FSTL5: variants seen among roughly 807,000 people sequenced by gnomAD.
The protein encoded by FSTL5 is follistatin like 5, also known as follistatin-related protein 5.
Under a neutral mutation model 89.1 loss-of-function variants are expected in FSTL5, and 62 were observed. The observed-to-expected ratio is 0.70, with a 90% confidence interval of 0.57 to 0.86. The LOEUF (loss-of-function observed/expected upper bound fraction) is 0.86, where lower values mean the gene tolerates loss of function less well. Among genes scored for constraint, FSTL5 ranks in the 40% least tolerant of loss-of-function variants. FSTL5 has a pLI of 0.00. For synonymous variants in FSTL5, 383 were observed against 346.2 expected, an observed-to-expected ratio of 1.11 and a Z score of -1.18; for missense variants, 1,057 against 1,001.6, an observed-to-expected ratio of 1.06 and a Z score of -0.75.
intron 4 of FSTL5, among the ~76,000 whole-genome samples, chr4:161,851,904 CACACACACAT>C (rs1731565785): frequency 6.6e-6 from 1 of 151,722 alleles, no homozygotes; most frequent in South Asian, 2.1e-4. Flanking sequence ...CACACACACA[CACACACACAT>C]ACACACACAA....
intron 8 of FSTL5, among the ~76,000 whole-genome samples, chr4:161,569,605 T>C (rs1026764002): frequency 6.6e-6 from 1 of 152,106 alleles, no homozygotes; most frequent in Non-Finnish European, 1.5e-5. Context: ...CATATACCTT[T>C]GATTTTCCAT....
At chr4:162,023,071 T>C (rs1344420381) in intron 3 of FSTL5, among the ~76,000 whole-genome samples, 2 of 152,132 alleles carry the variant, frequency 1.3e-5, no homozygotes, top group Admixed American at 1.3e-4. Flanking sequence ...TGTATCCCCA[T>C]ACATTTGTAC....
At chr4:161,552,823 C>T (rs947787457) in intron 8 of FSTL5, among the ~76,000 whole-genome samples, 2 of 151,632 alleles carry the variant, frequency 1.3e-5, no homozygotes, top group Non-Finnish European at 2.9e-5. Flanking sequence ...AAGTAGCTTA[C>T]TTTTCCCAGG....
rs116123613 is a variant in FSTL5, at chr4:162,111,713, A to G, written c.-16-301T>C. Among the ~76,000 whole-genome samples, 736 of 152,272 alleles carry G rather than the reference A, an allele frequency of 4.8e-3. 6 individuals carry two copies. Among genetic ancestry groups the G allele is most frequent in the African/African-American group, 0.017 (689 of 41,572 alleles). ...AGGTTGAAAGAAAAGGGGAAAATAG[A>G]GAAAATATTGCATTATACTTAATTT... On this transcript the variant is annotated intron_variant, in intron 1 of 15. Transcript: ENST00000306100.
intron 4 of FSTL5, among the ~76,000 whole-genome samples, chr4:161,817,258 G>A (rs572257375): frequency 6.6e-6 from 1 of 152,126 alleles, no homozygotes; most frequent in Non-Finnish European, 1.5e-5. Context: ...GCAACAAGTT[G>A]AATAATTAAG....
At chr4:161,863,589 C>A in intron 4 of FSTL5, among the ~76,000 whole-genome samples, 1 of 152,156 alleles carries the variant, frequency 6.6e-6, no homozygotes, top group African/African-American at 2.4e-5. Flanking sequence ...GTGTAAATAG[C>A]ATAAAAGAGT....
chr4:161,526,721 T>C (rs531675853), intron 10 of FSTL5, among the ~76,000 whole-genome samples: 1 of 152,326 alleles, frequency 6.6e-6, no homozygotes, highest in African/African-American at 2.4e-5. Context: ...CCACATTGCT[T>C]GTTTTTCTCA....
At chr4:161,985,446 C>T (rs1735938719) in intron 3 of FSTL5, among the ~76,000 whole-genome samples, 1 of 151,806 alleles carries the variant, frequency 6.6e-6, no homozygotes, top group Admixed American at 6.6e-5. Flanking sequence ...CCCAATTATT[C>T]CATCTATTAA....
intron 2 of FSTL5, among the ~76,000 whole-genome samples, chr4:162,102,088 G>T (rs1731017748): frequency 6.6e-6 from 1 of 151,992 alleles, no homozygotes; most frequent in Admixed American, 6.6e-5. Flanking sequence ...AGATTTAGGT[G>T]TGTTGATTGT....
At chr4:162,018,653 TAA>T (rs5863508) in intron 3 of FSTL5, among the ~76,000 whole-genome samples, 14,891 of 151,148 alleles carry the variant, frequency 0.099, 860 homozygotes, top group Non-Finnish European at 0.13. Context: ...TTTCTTTAAT[TAA>T]AAAAAAAAAT....
chr4:161,868,006 T>C (rs1228497939), intron 4 of FSTL5, among the ~76,000 whole-genome samples: 1 of 152,080 alleles, frequency 6.6e-6, no homozygotes, highest in Non-Finnish European at 1.5e-5. Flanking sequence ...AGAAGCATGA[T>C]ACAAATGTAT....
chr4:161,576,742 A>T (rs771474619), intron 8 of FSTL5, among the ~76,000 whole-genome samples: 9 of 152,234 alleles, frequency 5.9e-5, no homozygotes, highest in Non-Finnish European at 1.2e-4. Context: ...GAAATAGATG[A>T]CATATATCTT....
At chr4:161,861,335 TC>T (rs1731908989) in intron 4 of FSTL5, among the ~76,000 whole-genome samples, 1 of 152,044 alleles carries the variant, frequency 6.6e-6, no homozygotes, top group South Asian at 2.1e-4. Flanking sequence ...GGCAGGGGTA[TC>T]GTTTGAACCC....
chr4:161,935,814 C>T (rs1734416468), intron 3 of FSTL5, among the ~76,000 whole-genome samples: 1 of 152,164 alleles, frequency 6.6e-6, no homozygotes, highest in Non-Finnish European at 1.5e-5. Context: ...ACACATGCTT[C>T]ACAAATCATT....
rs559114412 is a variant in FSTL5, at chr4:161,955,089, A to G, written c.161-34437T>C. On this transcript the variant is annotated intron_variant, in intron 3 of 15. Transcript: ENST00000306100. The stretch of plus-strand genomic sequence containing the variant: ...TATAAGACTTTTGTGCCATGTTGAT[A>G]TAAAAATGACTTAAGTTATATAATT... Among the ~76,000 whole-genome samples, 7 of 151,802 alleles carry G rather than the reference A, an allele frequency of 4.6e-5. No homozygotes were observed. In the South Asian group the frequency reaches 1.4e-3, roughly 31 times the overall value.
At chr4:162,143,815 CACACATACAA>C (rs147601250) in intron 1 of FSTL5, among the ~76,000 whole-genome samples, 18,671 of 121,496 alleles carry the variant, frequency 0.15, 1,601 homozygotes, top group Non-Finnish European at 0.21. Context: ...CACACACACA[CACACATACAA>C]ACACACACGG....
intron 6 of FSTL5, among the ~76,000 whole-genome samples, chr4:161,728,433 T>C (rs1391641565): frequency 6.6e-6 from 1 of 152,102 alleles, no homozygotes; most frequent in African/African-American, 2.4e-5. Flanking sequence ...TGTGCAAAGA[T>C]TTGGGCCTGG....
chr4:161,690,800 C>G (rs1296377988), intron 6 of FSTL5, among the ~76,000 whole-genome samples: 2 of 152,076 alleles, frequency 1.3e-5, no homozygotes, highest in Non-Finnish European at 2.9e-5. Context: ...CATCTCCCTC[C>G]TCTCACCCTC....
intron 7 of FSTL5, among the ~76,000 whole-genome samples, chr4:161,621,424 A>G (rs906887032): frequency 6.6e-6 from 1 of 152,172 alleles, no homozygotes; most frequent in Non-Finnish European, 1.5e-5. Flanking sequence ...AATACAGTAC[A>G]TACAAATTTA....
Sources: allele counts gnomAD v4.1 joint callset (sites outside exome capture counted in the v4.1 genomes callset), GRCh38; gene constraint gnomAD v4.1.1; transcripts MANE v1.5; gene names NCBI Gene and HGNC (gene_info 2026-07-23, HGNC 2026-07-21).